DGKB: variants seen among roughly 807,000 people sequenced by gnomAD.
The protein encoded by DGKB is 90 kDa diacylglycerol kinase.
A neutral mutation model predicts 114.3 loss-of-function variants in DGKB; 67 were observed. The ratio of observed to expected loss-of-function variants is 0.59; its 90% confidence interval spans 0.48 to 0.72. The LOEUF is 0.72. Among genes scored for constraint, DGKB ranks in the 30% least tolerant of loss-of-function variants. DGKB has a pLI of 0.00. For missense variants in DGKB, 907 were observed against 975.2 expected (o/e 0.93, Z 0.93); for synonymous variants, 398 against 323.1 (o/e 1.23, Z -2.49).
chr7:14,928,365 T>C (rs1784844340), intron 1 of DGKB, among the ~76,000 whole-genome samples: 1 of 151,972 alleles, frequency 6.6e-6, no homozygotes, highest in African/African-American at 2.4e-5. Flanking sequence ...GAATTTCACT[T>C]TAGTTTCTCA....
chr7:14,672,276 A>G (rs1819088139), intron 13 of DGKB, among the ~76,000 whole-genome samples: 1 of 152,092 alleles, frequency 6.6e-6, no homozygotes, highest in African/African-American at 2.4e-5. Flanking sequence ...TTTGTTTTTT[A>G]AAATAACTTT....
At chr7:14,281,222 TA>T (rs1799901234) in intron 23 of DGKB, among the ~76,000 whole-genome samples, 1 of 151,824 alleles carries the variant, frequency 6.6e-6, no homozygotes, top group East Asian at 2.0e-4. Flanking sequence ...TAGTCTCTGA[TA>T]AAACAGACTT....
At chr7:14,503,122 T>A (rs1193160978) in intron 20 of DGKB, among the ~76,000 whole-genome samples, 1 of 152,134 alleles carries the variant, frequency 6.6e-6, no homozygotes, top group Non-Finnish European at 1.5e-5. Context: ...CTTCTACCAT[T>A]TTTTGTTGCT....
At chr7:14,234,536 C>G (rs372829393) in intron 23 of DGKB, among the ~76,000 whole-genome samples, 9 of 151,990 alleles carry the variant, frequency 5.9e-5, no homozygotes, top group Non-Finnish European at 1.3e-4. Flanking sequence ...AAATAAATTG[C>G]AAGGAATGAA....
At chr7:14,787,619 C>T (rs186472314) in intron 2 of DGKB, among the ~76,000 whole-genome samples, 75 of 152,144 alleles carry the variant, frequency 4.9e-4, no homozygotes, top group African/African-American at 1.7e-3. Context: ...GAAGTGTGGT[C>T]GGGGTAACAG....
At chr7:14,494,771 T>G (rs1785066323) in intron 20 of DGKB, among the ~76,000 whole-genome samples, 1 of 151,938 alleles carries the variant, frequency 6.6e-6, no homozygotes, top group African/African-American at 2.4e-5. Flanking sequence ...TTTGCTTCCA[T>G]GATTTAGTTA....
intron 1 of DGKB, among the ~76,000 whole-genome samples, chr7:14,962,169 T>C (rs2115274084): frequency 6.6e-6 from 1 of 152,280 alleles, no homozygotes; most frequent in East Asian, 1.9e-4. Context: ...ATGGTTTGCA[T>C]ATTTTATGAG....
At chr7:14,555,925 A>G (rs1174429254) in intron 20 of DGKB, among the ~76,000 whole-genome samples, 1 of 152,160 alleles carries the variant, frequency 6.6e-6, no homozygotes, top group East Asian at 1.9e-4. Context: ...ATAACAAATA[A>G]CCATAAAAAT....
At chr7:14,495,235 A>C (rs1785130234) in intron 20 of DGKB, among the ~76,000 whole-genome samples, 1 of 151,842 alleles carries the variant, frequency 6.6e-6, no homozygotes, top group Non-Finnish European at 1.5e-5. Context: ...CACAAAGAGA[A>C]TAATGGTCAA....
intron 23 of DGKB, among the ~76,000 whole-genome samples, chr7:14,327,854 TC>T (rs1809020415): frequency 1.3e-5 from 2 of 152,302 alleles, no homozygotes; most frequent in Admixed American, 6.5e-5. Flanking sequence ...ATACATTATT[TC>T]ATTTTTGCTC....
chr7:14,894,282 A>C (rs894994015), intron 1 of DGKB, among the ~76,000 whole-genome samples: 5 of 151,406 alleles, frequency 3.3e-5, no homozygotes, highest in African/African-American at 1.2e-4. Flanking sequence ...TTCCTCAAAC[A>C]GTCTTTCTTT....
At chr7:14,528,697 CATAAA>C (rs1373839821) in intron 20 of DGKB, among the ~76,000 whole-genome samples, 1 of 151,878 alleles carries the variant, frequency 6.6e-6, no homozygotes, top group East Asian at 1.9e-4. Context: ...GCTAATAGAG[CATAAA>C]TATGTTAACC....
chr7:14,940,567 A>G (rs1289157139), intron 1 of DGKB, among the ~76,000 whole-genome samples: 1 of 152,154 alleles, frequency 6.6e-6, no homozygotes, highest in Admixed American at 6.6e-5. Context: ...CACAAAAACA[A>G]CTGGTGATCC....
At chr7:14,731,088 A>G (rs1163432505) in intron 5 of DGKB, among the ~76,000 whole-genome samples, 1 of 152,174 alleles carries the variant, frequency 6.6e-6, no homozygotes, top group Non-Finnish European at 1.5e-5. Context: ...TTTGTGATTA[A>G]CTAAATATGG....
At chr7:14,949,817 C>G (rs1384935257) in intron 1 of DGKB, among the ~76,000 whole-genome samples, 2 of 151,908 alleles carry the variant, frequency 1.3e-5, no homozygotes, top group Non-Finnish European at 2.9e-5. Flanking sequence ...ATGGATGAAG[C>G]TGGAAACCAT....
At chr7:14,336,808 G>C (rs939941797) in intron 23 of DGKB, among the ~76,000 whole-genome samples, 1 of 152,138 alleles carries the variant, frequency 6.6e-6, no homozygotes. Context: ...ATGTGTTTGG[G>C]TGGAGCACAG....
Position 14,686,688 on chromosome 7 carries a change from C to A in DGKB, c.712-1326G>T, listed in dbSNP as rs538371155. On this transcript the variant is annotated intron_variant, in intron 9 of 25. Transcript: ENST00000402815. ...GGGATAAACCACCAGATTTGTAATACTAGAGAAAATCTACAGTAACTAATT... is the reference window on the plus strand; with the variant it reads ...GGGATAAACCACCAGATTTGTAATAATAGAGAAAATCTACAGTAACTAATT... 1.6e-3 allele frequency among the ~76,000 whole-genome samples: 245 copies of A among 152,154 alleles called. 2 individuals are homozygous for A. Among genetic ancestry groups the A allele is most frequent in the African/African-American group, 5.2e-3 (215 of 41,522 alleles).
intron 23 of DGKB, among the ~76,000 whole-genome samples, chr7:14,184,211 G>A (rs1056551278): frequency 2.6e-5 from 4 of 152,288 alleles, no homozygotes; most frequent in South Asian, 2.1e-4. Context: ...GTGACCAGAG[G>A]AGCAGGGGGT....
At chr7:14,567,722 T>C (rs1033051806) in intron 20 of DGKB, among the ~76,000 whole-genome samples, 8 of 150,024 alleles carry the variant, frequency 5.3e-5, no homozygotes, top group African/African-American at 1.7e-4. Context: ...TTGTCCTGCC[T>C]CAGCCTCCCA....
Sources: gnomAD v4.1 joint callset for allele counts (sites outside exome capture counted in the v4.1 genomes callset) on GRCh38, gnomAD v4.1.1 for gene constraint, MANE v1.5 for transcripts, NCBI Gene and HGNC (gene_info 2026-07-23, HGNC 2026-07-21) for gene names.